The following MAN1A2 variants were observed in gnomAD, a reference collection of about 807,000 sequenced individuals.
MAN1A2 encodes mannosyl-oligosaccharide 1,2-alpha-mannosidase IB.
Under a neutral mutation model 75.7 loss-of-function variants are expected in MAN1A2, and 26 were observed. That is an observed-to-expected ratio of 0.34 (90% CI 0.25 to 0.48). The LOEUF (loss-of-function observed/expected upper bound fraction) is 0.48, where lower values mean the gene tolerates loss of function less well. MAN1A2 is among the 20% of genes least tolerant of loss of function. MAN1A2 has a pLI of 0.99. For missense variants in MAN1A2, 562 were observed against 775.5 expected, an observed-to-expected ratio of 0.72 and a Z score of 3.27; for synonymous variants, 247 against 264.6, an observed-to-expected ratio of 0.93 and a Z score of 0.65.
At chr1:117,406,103 T>C (rs1398074056) in intron 3 of MAN1A2, among the ~76,000 whole-genome samples, 2 of 152,152 alleles carry the variant, frequency 1.3e-5, no homozygotes, top group Non-Finnish European at 2.9e-5. Flanking sequence ...ACATTCACAG[T>C]TCCTAAGGAA....
intron 12 of MAN1A2, among the ~76,000 whole-genome samples, chr1:117,506,014 G>A (rs1651350571): frequency 6.6e-6 from 1 of 151,422 alleles, no homozygotes; most frequent in Non-Finnish European, 1.5e-5. Flanking sequence ...TATAAAAACT[G>A]ATGGCATAAT....
intron 9 of MAN1A2, among the ~76,000 whole-genome samples, chr1:117,496,257 A>G (rs1651034272): frequency 6.6e-6 from 1 of 152,042 alleles, no homozygotes; most frequent in African/African-American, 2.4e-5. Context: ...TCATCTCAGC[A>G]AAGTCTAAGA....
At chr1:117,517,744 T>G (rs1651755276) in intron 12 of MAN1A2, among the ~76,000 whole-genome samples, 1 of 151,740 alleles carries the variant, frequency 6.6e-6, no homozygotes, top group South Asian at 2.1e-4. Context: ...TTTGAAGAAA[T>G]AATGGCAAAA....
At chr1:117,468,968 AAG>A (rs1444270074) in intron 8 of MAN1A2, among the ~76,000 whole-genome samples, 4 of 152,176 alleles carry the variant, frequency 2.6e-5, no homozygotes, top group South Asian at 2.1e-4. Context: ...TTTAAATAAA[AAG>A]AGAATCCCAT....
At chr1:117,474,035 T>G (rs1299860035) in intron 8 of MAN1A2, among the ~76,000 whole-genome samples, 3 of 151,964 alleles carry the variant, frequency 2.0e-5, no homozygotes, top group Admixed American at 1.3e-4. Context: ...GAGGTAATAG[T>G]AAAACAGACT....
chr1:117,457,273 G>C (rs945652723), intron 6 of MAN1A2, among the ~76,000 whole-genome samples: 2 of 151,788 alleles, frequency 1.3e-5, no homozygotes, highest in African/African-American at 2.4e-5. Flanking sequence ...TTGTTTTTTG[G>C]TATTCATTGC....
At chr1:117,389,807 T>C (rs1362781450) in intron 1 of MAN1A2, among the ~76,000 whole-genome samples, 1 of 151,188 alleles carries the variant, frequency 6.6e-6, no homozygotes, top group African/African-American at 2.5e-5. Context: ...AAGCTTTCAG[T>C]CTTTCACCCT....
At chr1:117,458,572 A>G (rs772712178) in intron 6 of MAN1A2, among the ~76,000 whole-genome samples, 110 of 140,972 alleles carry the variant, frequency 7.8e-4, no homozygotes, top group Admixed American at 1.5e-3. Flanking sequence ...TGCCCAAACT[A>G]GAATGCAATG....
chr1:117,388,329 A>G (rs1339565141), intron 1 of MAN1A2, among the ~76,000 whole-genome samples: 1 of 152,148 alleles, frequency 6.6e-6, no homozygotes, highest in Non-Finnish European at 1.5e-5. Flanking sequence ...TACCTTAGAT[A>G]TATGTAGGCA....
At chr1:117,395,511 A>G (rs1039955322) in intron 1 of MAN1A2, among the ~76,000 whole-genome samples, 2 of 152,204 alleles carry the variant, frequency 1.3e-5, no homozygotes, top group African/African-American at 2.4e-5. Flanking sequence ...CTAAGCCACA[A>G]TTACTAGTTT....
chr1:117,375,959 T>G (rs982298270), intron 1 of MAN1A2, among the ~76,000 whole-genome samples: 8 of 149,904 alleles, frequency 5.3e-5, no homozygotes, highest in Non-Finnish European at 1.0e-4. Context: ...TCGCCCAGGC[T>G]GGAGTGCAGT....
At chr1:117,453,934 A>G (rs968807358) in intron 6 of MAN1A2, among the ~76,000 whole-genome samples, 3 of 152,176 alleles carry the variant, frequency 2.0e-5, no homozygotes, top group Non-Finnish European at 4.4e-5. Flanking sequence ...CACCACCCTG[A>G]TCAGTCAGCA....
At chr1:117,418,751 G>A (rs931084596) in intron 4 of MAN1A2, among the ~76,000 whole-genome samples, 28 of 151,960 alleles carry the variant, frequency 1.8e-4, no homozygotes, top group African/African-American at 4.6e-4. Flanking sequence ...CTATTTTTCC[G>A]TTCTGTCCCT....
intron 5 of MAN1A2, among the ~76,000 whole-genome samples, chr1:117,425,602 T>C (rs918485469): frequency 1.3e-5 from 2 of 152,190 alleles, no homozygotes; most frequent in Non-Finnish European, 2.9e-5. Flanking sequence ...AAAAACATCA[T>C]ATAATCTTAT....
chr1:117,415,927 C>T (rs529148721), intron 4 of MAN1A2, among the ~76,000 whole-genome samples: 2 of 152,226 alleles, frequency 1.3e-5, no homozygotes, highest in East Asian at 3.9e-4. Flanking sequence ...ACAGCCTCAA[C>T]TAACTCCAAA....
intron 8 of MAN1A2, among the ~76,000 whole-genome samples, chr1:117,490,546 A>G (rs1003319342): frequency 1.3e-5 from 2 of 152,086 alleles, no homozygotes; most frequent in African/African-American, 4.8e-5. Context: ...CAATATTAAT[A>G]TAAGGCCAGT....
chr1:117,475,215 G>GTA (rs1480161807), intron 8 of MAN1A2, among the ~76,000 whole-genome samples: 5 of 151,840 alleles, frequency 3.3e-5, no homozygotes, highest in Admixed American at 6.6e-5. Context: ...TAGTAGATGT[G>GTA]TATGTTTAAC....
At chr1:117,497,976 T>C (rs1651084236) in intron 10 of MAN1A2, among the ~76,000 whole-genome samples, 1 of 151,974 alleles carries the variant, frequency 6.6e-6, no homozygotes. Context: ...AAATTTATGC[T>C]AGTTCATAAA....
chr1:117,442,133 A>G, intron 5 of MAN1A2, 98 bp from the exon 6 acceptor site: 3 of 774,872 alleles, frequency 3.9e-6, no homozygotes, highest in Non-Finnish European at 6.8e-6. Context: ...GCTCCCGTGT[A>G]CCCAGTACCT....
Sources: allele counts gnomAD v4.1 joint callset (sites outside exome capture counted in the v4.1 genomes callset), GRCh38; gene constraint gnomAD v4.1.1; transcripts MANE v1.5; gene names NCBI Gene and HGNC (gene_info 2026-07-23, HGNC 2026-07-21).